Variants in TFCP2L1 observed in about 807,000 individuals in gnomAD.
The protein encoded by TFCP2L1 is transcription factor CP2-like protein 1.
Under a neutral mutation model 72.2 loss-of-function variants are expected in TFCP2L1, and 12 were observed. The ratio of observed to expected loss-of-function variants is 0.17; its 90% confidence interval spans 0.11 to 0.27. The LOEUF is 0.27. Ranked by LOEUF, TFCP2L1 falls within the 10% of genes least tolerant of loss-of-function variation. The pLI is 1.00. For missense variants in TFCP2L1, 488 were observed against 624.6 expected (o/e 0.78, Z 2.33); for synonymous variants, 260 against 251.0 (o/e 1.04, Z -0.34).
At chr2:121,270,237 A>C (rs1246155089) in intron 2 of TFCP2L1, among the ~76,000 whole-genome samples, 1 of 152,222 alleles carries the variant, frequency 6.6e-6, no homozygotes, top group Non-Finnish European at 1.5e-5. Flanking sequence ...CATTTAAAGA[A>C]GTGATGTATG....
In TFCP2L1 at chr2:121,220,455, A is replaced by G. The variant is rs530814169; in HGVS notation, c.*3886T>C. On this transcript the variant is annotated 3_prime_UTR_variant, in exon 15 of 15. Coordinates refer to ENST00000263707, the MANE Select transcript of TFCP2L1 (RefSeq NM_014553.3). ...GGTAAACAGGAAAGGGTTTATCTCA[A>G]CCTTGCAGATACCCCGCAAAAACCG... is the stretch of plus-strand genomic sequence containing the variant. The G allele has an allele frequency of 5.3e-5, 8 of 152,332 alleles. No individual in the cohort carries two copies. The highest frequency in any genetic ancestry group is 4.6e-4 in the Admixed American group (7 of 15,296). 9.4% of individuals were successfully genotyped at this position (152,332 alleles called of 1,614,324 possible). A position where few individuals can be genotyped will look rare whatever the true frequency, so the allele number is the denominator to read the frequency against.
chr2:121,238,810 T>TA (rs1368423524), intron 8 of TFCP2L1, among the ~76,000 whole-genome samples: 5 of 152,192 alleles, frequency 3.3e-5, no homozygotes, highest in Admixed American at 6.5e-5. Context: ...TTTCTGTGTC[T>TA]ACCCCCGCTT....
At chr2:121,284,797 G>A (rs1360437755) in intron 1 of TFCP2L1, among the ~76,000 whole-genome samples, 1 of 152,174 alleles carries the variant, frequency 6.6e-6, no homozygotes, top group Admixed American at 6.5e-5. Flanking sequence ...CCGCCTGGGA[G>A]GAGCCCTCGC....
chr2:121,247,794 AAC>A (rs1407066319), intron 5 of TFCP2L1, among the ~76,000 whole-genome samples: 1 of 152,134 alleles, frequency 6.6e-6, no homozygotes, highest in African/African-American at 2.4e-5. Context: ...CATGGCATAT[AAC>A]ACAAGGCTGG....
intron 5 of TFCP2L1, 44 bp downstream of exon 5, chr2:121,248,120 A>G: frequency 1.9e-6 from 3 of 1,579,854 alleles, no homozygotes; most frequent in Non-Finnish European, 2.6e-6. Flanking sequence ...AGGCCACCCC[A>G]AAGACTAGGT....
chr2:121,224,272 G>T lies in TFCP2L1; in HGVS notation c.*69C>A. 6.3e-7 allele frequency: 1 copy of T among 1,575,388 alleles called. No homozygotes were observed. The highest frequency in any genetic ancestry group is 8.7e-7 in the Non-Finnish European group (1 of 1,148,834). On this transcript the variant is annotated 3_prime_UTR_variant, in exon 15 of 15. Coordinates refer to ENST00000263707, the MANE Select transcript of TFCP2L1 (RefSeq NM_014553.3). The stretch of plus-strand genomic sequence containing the variant: ...CCTGGTGAGGCCACAGCTTACAGTG[G>T]GGCAATGTCTACATCCACGGGGATC...
chr2:121,254,989 C>G (rs57767551), intron 2 of TFCP2L1, among the ~76,000 whole-genome samples: 6,719 of 152,204 alleles, frequency 0.044, 226 homozygotes, highest in East Asian at 0.13. Context: ...CACCTGCCCT[C>G]CTGGATGGGG....
chr2:121,280,232 G>A (rs943618874), intron 2 of TFCP2L1, among the ~76,000 whole-genome samples: 2 of 151,546 alleles, frequency 1.3e-5, no homozygotes, highest in Non-Finnish European at 2.9e-5. Flanking sequence ...ACAGAGCTAG[G>A]AAGTGCCAGA....
At chr2:121,250,543 G>T (rs976320988) in intron 2 of TFCP2L1, among the ~76,000 whole-genome samples, 1 of 151,140 alleles carries the variant, frequency 6.6e-6, no homozygotes, top group African/African-American at 2.4e-5. Context: ...AGCATATATC[G>T]CAATTTAATA....
At chr2:121,258,019 A>G (rs1686761883) in intron 2 of TFCP2L1, among the ~76,000 whole-genome samples, 2 of 152,294 alleles carry the variant, frequency 1.3e-5, no homozygotes, top group African/African-American at 4.8e-5. Flanking sequence ...TTTAATTAAC[A>G]GTGGCAGAAT....
At chr2:121,237,913 C>T (rs542953480) in intron 8 of TFCP2L1, 63 bp from the exon 9 acceptor site, 99 of 1,566,386 alleles carry the variant, frequency 6.3e-5, no homozygotes, top group South Asian at 6.2e-4. Flanking sequence ...GCCACGGTCC[C>T]GGCACCCAGC....
At chr2:121,229,203 C>T (rs13422813) in intron 13 of TFCP2L1, among the ~76,000 whole-genome samples, 3,005 of 152,212 alleles carry the variant, frequency 0.02, 116 homozygotes, top group African/African-American at 0.067. Flanking sequence ...AGACATGAGC[C>T]ACCATGCCCG....
rs1686278575 is a variant in TFCP2L1 at position 121,237,639 on chromosome 2, G to T, written c.987C>A (p.Leu329=). Residue 329 remains leucine, a synonymous_variant, in exon 10 of 15, where the codon CTC becomes CTA. Transcript: ENST00000263707. ...GATGCTCACCTGAGAAGCTGGCAAA[G>T]AGCCGGCAGAACTGCGAGAACCTGT... The part of the protein sequence containing the change: ...HRNRFSQFCR[L]FASFSGADLL... 6.2e-7 allele frequency: 1 copy of T among 1,614,206 alleles called. No homozygotes were observed. The highest frequency in any genetic ancestry group is 1.1e-5 in the South Asian group (1 of 91,088).
At position 121,223,099 on chromosome 2, in the gene TFCP2L1, C is replaced by T. The variant is rs768606043; in HGVS notation, c.*1242G>A. On this transcript the variant is annotated 3_prime_UTR_variant, in exon 15 of 15. Coordinates refer to ENST00000263707, the MANE Select transcript of TFCP2L1 (RefSeq NM_014553.3). ...TAGTCCTTCAGTCTAGCACTTCATTCCACAGAAGCTCCATTTAGAAGCTAT... is the reference window on the plus strand; with the variant it reads ...TAGTCCTTCAGTCTAGCACTTCATTTCACAGAAGCTCCATTTAGAAGCTAT... 1.6e-4 allele frequency: 24 copies of T among 152,164 alleles called. No homozygotes were observed. Among genetic ancestry groups the T allele is most frequent in the South Asian group, 2.1e-4 (1 of 4,834 alleles). 9.4% of individuals were successfully genotyped at this position (152,164 alleles called of 1,614,324 possible). A position where few individuals can be genotyped will look rare whatever the true frequency, so the allele number is the denominator to read the frequency against.
intron 2 of TFCP2L1, among the ~76,000 whole-genome samples, chr2:121,257,702 A>C (rs893876636): frequency 6.6e-6 from 1 of 152,086 alleles, no homozygotes; most frequent in Non-Finnish European, 1.5e-5. Context: ...ACACTATTCA[A>C]CTCTGCCACT....
At chr2:121,231,487 C>G (rs995724664) in intron 13 of TFCP2L1, among the ~76,000 whole-genome samples, 1 of 152,230 alleles carries the variant, frequency 6.6e-6, no homozygotes, top group Non-Finnish European at 1.5e-5. Context: ...CTTCACCTCT[C>G]CCTGGGGACT....
intron 2 of TFCP2L1, among the ~76,000 whole-genome samples, chr2:121,259,464 T>C (rs1019554840): frequency 6.6e-6 from 1 of 152,226 alleles, no homozygotes; most frequent in Non-Finnish European, 1.5e-5. Context: ...TGCATCTATA[T>C]AGATAAAGCA....
At position 121,248,254 on chromosome 2, in the gene TFCP2L1, A is replaced by G. The variant is rs1392753212; in HGVS notation, c.414T>C (p.Val138=). 2 of 1,613,898 alleles carry G rather than the reference A, an allele frequency of 1.2e-6. No individual in the cohort carries two copies. Among genetic ancestry groups the G allele is most frequent in the South Asian group, 2.2e-5 (2 of 91,016 alleles). The change falls in exon 5 of 15, where the codon GTT becomes GTC. Residue 138 remains valine, a synonymous_variant. Coordinates refer to ENST00000263707, the MANE Select transcript of TFCP2L1 (RefSeq NM_014553.3). ...GGCTGGCCCTGGGGTCCAAGATACC[A>G]ACAGACAGTGGAATATCTGCATACA... The part of the protein sequence containing the change: ...RILDIDIPLS[V]GILDPRASPT...
intron 10 of TFCP2L1, among the ~76,000 whole-genome samples, 174 bp downstream of exon 10, chr2:121,237,449 T>C (rs996093423): frequency 6.6e-6 from 1 of 152,170 alleles, no homozygotes; most frequent in African/African-American, 2.4e-5. Flanking sequence ...GCATCACCTA[T>C]GTCCAGCACT....
Sources: gnomAD v4.1 joint callset for allele counts (sites outside exome capture counted in the v4.1 genomes callset) on GRCh38, gnomAD v4.1.1 for gene constraint, MANE v1.5 for transcripts, NCBI Gene and HGNC (gene_info 2026-07-23, HGNC 2026-07-21) for gene names.